Variants in R3HDM2 observed in about 807,000 individuals in gnomAD.
R3HDM2 encodes the protein R3H domain containing 2, also known as R3H domain-containing protein 2.
Under a neutral mutation model 124.5 loss-of-function variants are expected in R3HDM2, and 38 were observed. The observed-to-expected ratio is 0.31, with a 90% CI of 0.24 to 0.40. R3HDM2 has a LOEUF of 0.40. Among genes scored for constraint, R3HDM2 ranks in the 10% least tolerant of loss-of-function variants. The pLI is 1.00. For synonymous variants in R3HDM2, 391 were observed against 448.0 expected, an observed-to-expected ratio of 0.87 and a Z score of 1.61; for missense variants, 869 against 1,236.9, an observed-to-expected ratio of 0.70 and a Z score of 4.46.
intron 1 of R3HDM2, among the ~76,000 whole-genome samples, chr12:57,397,001 G>C (rs752073880): frequency 6.6e-6 from 1 of 151,916 alleles, no homozygotes; most frequent in Non-Finnish European, 1.5e-5. Context: ...GCTGAGGGAG[G>C]AGAATGGCTT....
At chr12:57,274,948 G>A (rs566418086) in intron 14 of R3HDM2, among the ~76,000 whole-genome samples, 10 of 151,694 alleles carry the variant, frequency 6.6e-5, no homozygotes, top group Non-Finnish European at 8.8e-5. Flanking sequence ...ATCATTCTTC[G>A]CAGAATTACA....
intron 19 of R3HDM2, 29 bp downstream of exon 19, chr12:57,266,702 C>T (rs1206388242): frequency 6.6e-7 from 1 of 1,519,592 alleles, no homozygotes; most frequent in Non-Finnish European, 9.1e-7. Flanking sequence ...TTGTCAGTGC[C>T]CAAGACCCAC....
intron 2 of R3HDM2, among the ~76,000 whole-genome samples, chr12:57,333,634 G>A (rs1255153877): frequency 2.0e-5 from 3 of 152,146 alleles, no homozygotes; most frequent in Non-Finnish European, 4.4e-5. Context: ...AGAGGTTGCA[G>A]TGGGCTGAGA....
intron 2 of R3HDM2, among the ~76,000 whole-genome samples, chr12:57,318,579 C>T (rs1028239674): frequency 1.3e-5 from 2 of 150,596 alleles, no homozygotes; most frequent in Non-Finnish European, 3.0e-5. Context: ...ACCTGGGAGG[C>T]GGAGGTTGTG....
At chr12:57,264,241 C>CA (rs550732747) in intron 19 of R3HDM2, among the ~76,000 whole-genome samples, 47,815 of 107,434 alleles carry the variant, frequency 0.45, 10,302 homozygotes, top group South Asian at 0.53. Flanking sequence ...GACTCTGTCT[C>CA]AAAAAAAAAA....
chr12:57,389,426 T>C (rs2066345728), intron 2 of R3HDM2, among the ~76,000 whole-genome samples: 1 of 152,222 alleles, frequency 6.6e-6, no homozygotes, highest in East Asian at 1.9e-4. Context: ...ATCTAATTAT[T>C]GAAAAGTGGC....
At position 57,347,100 on chromosome 12, in the gene R3HDM2, G is replaced by T. The variant is rs111676105; in HGVS notation, c.-35-36637C>A. On this transcript the variant is annotated intron_variant, in intron 2 of 23. Coordinates refer to ENST00000402412, the MANE Select transcript of R3HDM2 (RefSeq NM_001394031.1). ...TCTGTACAAAAAAATTAAAAAATTA[G>T]CTGGGCTTGGTGGCATAGGCCTACA... Among the ~76,000 whole-genome samples, 505 of 152,190 alleles carry T rather than the reference G, an allele frequency of 3.3e-3. 3 individuals carry two copies. The highest frequency in any genetic ancestry group is 0.01 in the African/African-American group (428 of 41,540).
Position 57,324,375 on chromosome 12 carries a change from G to T in R3HDM2, c.-35-13912C>A, listed in dbSNP as rs529618500. On this transcript the variant is annotated intron_variant, in intron 2 of 23. Transcript: ENST00000402412. Reference sequence around the variant, plus strand: ...ATTTTGTATTTTTAGTAGAGACGGGGTTTCACCATGTTGGGCAGGCTGGTC... The same window carrying T: ...ATTTTGTATTTTTAGTAGAGACGGGTTTTCACCATGTTGGGCAGGCTGGTC... Among the ~76,000 whole-genome samples the T allele has an allele frequency of 3.3e-5, 5 of 152,196 alleles. No individual in the cohort carries two copies. In the South Asian group the frequency reaches 1.0e-3, roughly 32 times the overall value.
At chr12:57,356,033 C>T (rs1243427971) in intron 2 of R3HDM2, among the ~76,000 whole-genome samples, 7 of 152,186 alleles carry the variant, frequency 4.6e-5, no homozygotes, top group Admixed American at 4.6e-4. Context: ...TTTCCCTTTT[C>T]AATCTTATGC....
chr12:57,352,668 C>T (rs2060812528), intron 2 of R3HDM2, among the ~76,000 whole-genome samples: 1 of 151,648 alleles, frequency 6.6e-6, no homozygotes, highest in South Asian at 2.1e-4. Context: ...AATTTTTGTA[C>T]TTTTTTGTAG....
chr12:57,261,817 G>A (rs1026793165), intron 19 of R3HDM2, among the ~76,000 whole-genome samples: 11 of 150,536 alleles, frequency 7.3e-5, no homozygotes, highest in Non-Finnish European at 1.3e-4. Flanking sequence ...TAATCAGGTT[G>A]GGGGAAGGAG....
intron 12 of R3HDM2, 53 bp downstream of exon 12, chr12:57,288,956 A>G: frequency 6.5e-7 from 1 of 1,547,686 alleles, no homozygotes; most frequent in East Asian, 2.4e-5. Flanking sequence ...GATTATATTA[A>G]CCTCACTGGC....
At chr12:57,333,103 G>A (rs1269508171) in intron 2 of R3HDM2, among the ~76,000 whole-genome samples, 1 of 151,984 alleles carries the variant, frequency 6.6e-6, no homozygotes, top group Non-Finnish European at 1.5e-5. Context: ...TTATTCTCTT[G>A]GGCATTAAAA....
chr12:57,392,843 C>T (rs1231398283), intron 2 of R3HDM2, among the ~76,000 whole-genome samples: 3 of 144,210 alleles, frequency 2.1e-5, no homozygotes, highest in Non-Finnish European at 3.0e-5. Flanking sequence ...CTCGCTCTGT[C>T]GCCCAGGCTG....
chr12:57,416,799 C>T (rs1237993630), intron 1 of R3HDM2, among the ~76,000 whole-genome samples: 1 of 151,220 alleles, frequency 6.6e-6, no homozygotes, highest in Non-Finnish European at 1.5e-5. Context: ...CAGAGTGAGA[C>T]TCTGTCCCCC....
chr12:57,347,917 T>C (rs148094876), intron 2 of R3HDM2, among the ~76,000 whole-genome samples: 2 of 152,160 alleles, frequency 1.3e-5, no homozygotes, highest in East Asian at 3.9e-4. Flanking sequence ...ATAAATAAAA[T>C]TGATGAATCT....
chr12:57,379,266 T>A (rs1028565346), intron 2 of R3HDM2, among the ~76,000 whole-genome samples: 3 of 152,182 alleles, frequency 2.0e-5, no homozygotes, highest in Admixed American at 2.0e-4. Context: ...TTCTGTTATG[T>A]GGATTTTAAC....
At chr12:57,419,820 T>G (rs181534463) in intron 1 of R3HDM2, among the ~76,000 whole-genome samples, 1 of 151,986 alleles carries the variant, frequency 6.6e-6, no homozygotes, top group East Asian at 1.9e-4. Context: ...ACCTTTACAC[T>G]ACCCCATGAT....
At chr12:57,360,535 T>C (rs189728899) in intron 2 of R3HDM2, among the ~76,000 whole-genome samples, 6 of 151,982 alleles carry the variant, frequency 3.9e-5, no homozygotes, top group Admixed American at 2.0e-4. Flanking sequence ...GGTGGGAAGA[T>C]TGCTTCAGCC....
Sources: gnomAD v4.1 joint callset for allele counts (sites outside exome capture counted in the v4.1 genomes callset) on GRCh38, gnomAD v4.1.1 for gene constraint, MANE v1.5 for transcripts, NCBI Gene and HGNC (gene_info 2026-07-23, HGNC 2026-07-21) for gene names.